Variants in GAB1 observed in about 807,000 individuals in gnomAD.
GAB1 encodes the protein GRB2-associated-binding protein 1.
In GAB1, 19 loss-of-function variants were observed where a neutral mutation model predicts 66.5. The observed-to-expected ratio is 0.29, with a 90% CI of 0.20 to 0.42. GAB1 has a LOEUF of 0.42. Among genes scored for constraint, GAB1 ranks in the 10% least tolerant of loss-of-function variants. The probability of loss-of-function intolerance (pLI) is 1.00; values close to 1 mark genes in which losing one functional copy is unlikely to be tolerated. For synonymous variants in GAB1, 294 were observed against 301.4 expected, an observed-to-expected ratio of 0.98 and a Z score of 0.25; for missense variants, 732 against 858.5, an observed-to-expected ratio of 0.85 and a Z score of 1.84.
intron 2 of GAB1, chr4:143,426,022 T>G (rs901914889): frequency 6.6e-6 from 4 of 610,366 alleles, no homozygotes; most frequent in Non-Finnish European, 8.6e-6. Context: ...AAGAAAAAAT[T>G]AACTCCAGGT....
chr4:143,424,158 G>T (rs182688622), intron 2 of GAB1, among the ~76,000 whole-genome samples: 1 of 152,258 alleles, frequency 6.6e-6, no homozygotes, highest in Non-Finnish European at 1.5e-5. Flanking sequence ...TTTAGTAGTT[G>T]CAGTGAAAAG....
chr4:143,408,258 T>C (rs1732171216), intron 1 of GAB1, among the ~76,000 whole-genome samples: 1 of 152,218 alleles, frequency 6.6e-6, no homozygotes, highest in Non-Finnish European at 1.5e-5. Context: ...GTGCACATCA[T>C]TCCTAGGTTA....
chr4:143,373,044 A>AAC (rs36205621), intron 1 of GAB1, among the ~76,000 whole-genome samples: 3,715 of 148,226 alleles, frequency 0.025, 49 homozygotes, highest in East Asian at 0.037. Context: ...TTCCTTTAAA[A>AAC]ACACACACAC....
At chr4:143,418,946 G>A (rs1560755951) in intron 2 of GAB1, among the ~76,000 whole-genome samples, 2 of 152,126 alleles carry the variant, frequency 1.3e-5, no homozygotes, top group South Asian at 4.1e-4. Context: ...CACCCACTCT[G>A]CTCTGGGAAG....
intron 6 of GAB1, among the ~76,000 whole-genome samples, chr4:143,448,713 C>A (rs1225590317): frequency 1.3e-5 from 2 of 151,752 alleles, no homozygotes; most frequent in Non-Finnish European, 2.9e-5. Context: ...AGCAGTCTAT[C>A]AATTTTGTTG....
chr4:143,394,218 G>A (rs1029250909), intron 1 of GAB1, among the ~76,000 whole-genome samples: 43 of 152,262 alleles, frequency 2.8e-4, no homozygotes, highest in Middle Eastern at 3.4e-3. Flanking sequence ...ATGTTGCAGT[G>A]AGCCGAGATC....
chr4:143,434,600 C>T (rs979323470), intron 3 of GAB1, among the ~76,000 whole-genome samples: 1 of 152,128 alleles, frequency 6.6e-6, no homozygotes, highest in Admixed American at 6.6e-5. Flanking sequence ...AAACAGTTCT[C>T]TCACCTCAGC....
intron 1 of GAB1, among the ~76,000 whole-genome samples, chr4:143,356,254 A>G (rs1729442752): frequency 6.6e-6 from 1 of 152,192 alleles, no homozygotes; most frequent in Non-Finnish European, 1.5e-5. Context: ...GTTGTTGAAT[A>G]GGTATATTAA....
chr4:143,349,196 T>G, intron 1 of GAB1: 2 of 500,584 alleles, frequency 4.0e-6, no homozygotes, highest in Non-Finnish European at 6.9e-6. Context: ...TAACCTGGAG[T>G]AGTTATATAT....
chr4:143,342,103 C>T (rs1410284736), intron 1 of GAB1, among the ~76,000 whole-genome samples: 4 of 152,210 alleles, frequency 2.6e-5, no homozygotes, highest in Non-Finnish European at 4.4e-5. Flanking sequence ...AGATCATCAA[C>T]TTGCAATTAC....
At position 143,415,775 on chromosome 4, in the gene GAB1, A is replaced by G; in HGVS notation, c.367+4A>G. The G allele has an allele frequency of 1.3e-6, 2 of 1,582,182 alleles. No homozygotes were observed. Among genetic ancestry groups the G allele is most frequent in the Non-Finnish European group, 1.7e-6 (2 of 1,162,236 alleles). On this transcript the variant is annotated splice_donor_region_variant and intron_variant, in intron 2 of 9. Coordinates refer to ENST00000262994, the MANE Select transcript of GAB1 (RefSeq NM_002039.4). ...GGGTTTAATCCAACAGAAGAAGGTA[A>G]GTTCAAGATATTACTATTCAACTTG...
At chr4:143,410,112 A>G (rs1006685683) in intron 1 of GAB1, among the ~76,000 whole-genome samples, 1 of 151,580 alleles carries the variant, frequency 6.6e-6, no homozygotes, top group Non-Finnish European at 1.5e-5. Context: ...CAGAGAACCC[A>G]TGGACTACCC....
At chr4:143,394,485 A>G (rs757794212) in intron 1 of GAB1, among the ~76,000 whole-genome samples, 1 of 152,202 alleles carries the variant, frequency 6.6e-6, no homozygotes, top group Non-Finnish European at 1.5e-5. Context: ...AATTTTTATC[A>G]TCAAGTAATA....
At chr4:143,343,831 C>A (rs936076694) in intron 1 of GAB1, among the ~76,000 whole-genome samples, 2 of 152,128 alleles carry the variant, frequency 1.3e-5, no homozygotes, top group Non-Finnish European at 2.9e-5. Context: ...GTTTAGATGT[C>A]CTCATGAAAA....
chr4:143,456,561 A>G (rs922914649), intron 6 of GAB1, among the ~76,000 whole-genome samples: 2 of 152,256 alleles, frequency 1.3e-5, no homozygotes, highest in Middle Eastern at 3.4e-3. Context: ...ATCTTGCCCA[A>G]AATTTTAGTA....
At chr4:143,391,348 G>A (rs1731177463) in intron 1 of GAB1, 1 of 152,122 alleles carries the variant, frequency 6.6e-6, no homozygotes, top group South Asian at 2.1e-4. Flanking sequence ...AAACCTTGAG[G>A]GAGAAAAGAA....
intron 1 of GAB1, among the ~76,000 whole-genome samples, chr4:143,358,250 ATAAT>A (rs886327144): frequency 6.6e-6 from 1 of 152,216 alleles, no homozygotes; most frequent in African/African-American, 2.4e-5. Flanking sequence ...CCATCTACTC[ATAAT>A]TAATTGTATA....
chr4:143,429,290 A>G lies in GAB1; in HGVS notation c.368-4201A>G, dbSNP rs181877483. 1.9e-4 allele frequency among the ~76,000 whole-genome samples: 29 copies of G among 152,172 alleles called. No individual in the cohort carries two copies. The East Asian group carries it at 5.0e-3, about 26-fold the overall frequency. On this transcript the variant is annotated intron_variant, in intron 2 of 9. Transcript: ENST00000262994. ...GCTAATTTTTGTATTTTTAGTAGAG[A>G]TGGGGTTTCAACCATGTTGGCCAGG...
At chr4:143,423,829 T>C (rs1733174235) in intron 2 of GAB1, among the ~76,000 whole-genome samples, 1 of 116,172 alleles carries the variant, frequency 8.6e-6, no homozygotes, top group African/African-American at 3.3e-5. Context: ...TATATATATA[T>C]ATATATATGT....
Sources: allele counts gnomAD v4.1 joint callset (sites outside exome capture counted in the v4.1 genomes callset), GRCh38; gene constraint gnomAD v4.1.1; transcripts MANE v1.5; gene names NCBI Gene and HGNC (gene_info 2026-07-23, HGNC 2026-07-21).